Variants in PKHD1 observed in about 807,000 individuals in gnomAD.
PKHD1 encodes the protein fibrocystin.
A neutral mutation model predicts 412.0 loss-of-function variants in PKHD1; 291 were observed. The observed-to-expected ratio is 0.71, with a 90% confidence interval of 0.64 to 0.78. The LOEUF is 0.78. Among genes scored for constraint, PKHD1 ranks in the 30% least tolerant of loss-of-function variants. PKHD1 has a pLI of 0.00. For synonymous variants in PKHD1, 1,777 were observed against 1,821.5 expected, an observed-to-expected ratio of 0.98 and a Z score of 0.62; for missense variants, 4,825 against 4,950.7, an observed-to-expected ratio of 0.97 and a Z score of 0.76.
chr6:51,679,082 T>G (rs990852895), intron 60 of PKHD1, among the ~76,000 whole-genome samples: 1 of 152,068 alleles, frequency 6.6e-6, no homozygotes, highest in Admixed American at 6.6e-5. Context: ...TAATGAGATT[T>G]GAATGGGAAG....
chr6:51,843,852 C>T (rs2151601040), intron 50 of PKHD1, among the ~76,000 whole-genome samples: 1 of 152,334 alleles, frequency 6.6e-6, no homozygotes, highest in East Asian at 1.9e-4. Flanking sequence ...ACCAATCTCC[C>T]TAACAGATCT....
intron 65 of PKHD1, among the ~76,000 whole-genome samples, chr6:51,631,738 A>G (rs1767939722): frequency 6.6e-6 from 1 of 151,938 alleles, no homozygotes; most frequent in Non-Finnish European, 1.5e-5. Flanking sequence ...AAGAAGCTTC[A>G]TTTACAAAGC....
At position 52,024,938 on chromosome 6, in the gene PKHD1, C is replaced by T; in HGVS notation, c.4872G>A (p.Arg1624=). ...LTVNIGAELI[R]CIVPTGNGSV... The stretch of plus-strand genomic sequence containing the variant: ...AGCCATTCCCTGTGGGAACAATGCA[C>T]CGGATGAGCTCAGCACCGATGTTCA... Residue 1624 remains arginine (R), a synonymous_variant, in exon 32 of 67, where the codon CGG becomes CGA. Transcript: ENST00000371117. The T allele has an allele frequency of 6.2e-7, 1 of 1,614,202 alleles. No homozygotes were observed. Among genetic ancestry groups the T allele is most frequent in the Non-Finnish European group, 8.5e-7 (1 of 1,180,046 alleles).
chr6:51,796,738 C>A (rs1001595272), intron 52 of PKHD1, among the ~76,000 whole-genome samples: 1 of 151,672 alleles, frequency 6.6e-6, no homozygotes, highest in African/African-American at 2.4e-5. Context: ...TGATTTCTGC[C>A]TTAATTTCAT....
chr6:51,667,900 T>G (rs957231280), intron 60 of PKHD1, among the ~76,000 whole-genome samples: 1 of 152,080 alleles, frequency 6.6e-6, no homozygotes, highest in Non-Finnish European at 1.5e-5. Context: ...GTTCCATTGA[T>G]CTATATCTCT....
intron 35 of PKHD1, among the ~76,000 whole-genome samples, chr6:52,005,989 T>C (rs1286368326): frequency 6.7e-6 from 1 of 149,370 alleles, no homozygotes; most frequent in African/African-American, 2.5e-5. Context: ...TGGGAGTGGC[T>C]TTTTGCTCAC....
chr6:52,002,753 T>G (rs903531536), intron 35 of PKHD1, among the ~76,000 whole-genome samples: 2 of 152,162 alleles, frequency 1.3e-5, no homozygotes, highest in Admixed American at 1.3e-4. Flanking sequence ...TTGATTTCTG[T>G]AATAGGAGAA....
At chr6:51,699,136 GAA>G (rs1391943763) in intron 60 of PKHD1, among the ~76,000 whole-genome samples, 1 of 151,994 alleles carries the variant, frequency 6.6e-6, no homozygotes, top group Non-Finnish European at 1.5e-5. Context: ...AAAGTTCTAT[GAA>G]GTTCAACAAA....
chr6:51,662,592 A>C (rs1394980312), intron 60 of PKHD1, among the ~76,000 whole-genome samples: 4 of 151,960 alleles, frequency 2.6e-5, no homozygotes, highest in Non-Finnish European at 4.4e-5. Context: ...TGATTGCAGA[A>C]ATCAATGAAG....
chr6:51,672,569 A>T (rs112720476), intron 60 of PKHD1, among the ~76,000 whole-genome samples: 29 of 152,336 alleles, frequency 1.9e-4, no homozygotes, highest in African/African-American at 6.5e-4. Flanking sequence ...TGGAGAATGT[A>T]TGAGTACATG....
intron 43 of PKHD1, among the ~76,000 whole-genome samples, chr6:51,895,985 G>T (rs1269632588): frequency 1.3e-5 from 2 of 152,132 alleles, no homozygotes; most frequent in African/African-American, 4.8e-5. Context: ...CACACCACAA[G>T]ATTATATCCC....
chr6:51,950,254 T>C (rs1191066728), intron 36 of PKHD1, among the ~76,000 whole-genome samples: 2 of 138,084 alleles, frequency 1.4e-5, no homozygotes, highest in African/African-American at 5.3e-5. Context: ...ATAAAATCAC[T>C]GACTCAGAGC....
Position 51,616,673 on chromosome 6 carries a change from T to G in PKHD1, c.*2408A>C. On this transcript the variant is annotated 3_prime_UTR_variant, in exon 67 of 67. Coordinates refer to ENST00000371117, the MANE Select transcript of PKHD1 (RefSeq NM_138694.4). The stretch of plus-strand genomic sequence containing the variant: ...TGCTATTTAGGCCCAAAGAGTCAAT[T>G]CTGGCCTCAGGGATCACAGGCTTTT... 2.5e-6 allele frequency: 1 copy of G among 398,414 alleles called. No homozygotes were observed. Among genetic ancestry groups the G allele is most frequent in the Non-Finnish European group, 4.4e-6 (1 of 225,948 alleles). The allele number at this position is 398,414 out of a possible 1,614,324, so 24.7% of individuals were successfully genotyped here. A position where few individuals can be genotyped will look rare whatever the true frequency, so the allele number is the denominator to read the frequency against.
chr6:51,762,656 T>C (rs1788222596), intron 55 of PKHD1, among the ~76,000 whole-genome samples: 1 of 133,316 alleles, frequency 7.5e-6, no homozygotes, highest in African/African-American at 2.4e-5. Flanking sequence ...CACATATATA[T>C]ATATATATAT....
intron 49 of PKHD1, among the ~76,000 whole-genome samples, chr6:51,853,075 T>G (rs1414659255): frequency 2.0e-5 from 3 of 152,202 alleles, no homozygotes; most frequent in Non-Finnish European, 4.4e-5. Context: ...ATTTAGTGCT[T>G]CTTTCAGCTC....
chr6:51,775,948 C>A, intron 53 of PKHD1, 27 bp from the exon 54 acceptor site: 2 of 1,048,410 alleles, frequency 1.9e-6, no homozygotes, highest in South Asian at 1.3e-5. Context: ...GTATATCATT[C>A]AAATCAATTT....
At chr6:51,839,498 G>C (rs563672976) in intron 50 of PKHD1, among the ~76,000 whole-genome samples, 1 of 152,276 alleles carries the variant, frequency 6.6e-6, no homozygotes, top group African/African-American at 2.4e-5. Flanking sequence ...CTAGGGTGAA[G>C]AGGAAATGTG....
chr6:51,753,175 G>A (rs779205091), intron 57 of PKHD1, 26 bp downstream of exon 57: 1 of 1,607,000 alleles, frequency 6.2e-7, no homozygotes. Flanking sequence ...AACTGGTAAT[G>A]GCCAATTACT....
intron 48 of PKHD1, among the ~76,000 whole-genome samples, chr6:51,857,049 A>G (rs1773423533): frequency 6.6e-6 from 1 of 152,240 alleles, no homozygotes; most frequent in Admixed American, 6.5e-5. Context: ...TGTGAGTATC[A>G]CAAAGTAGAA....
Sources: gnomAD v4.1 joint callset for allele counts (sites outside exome capture counted in the v4.1 genomes callset) on GRCh38, gnomAD v4.1.1 for gene constraint, MANE v1.5 for transcripts, NCBI Gene and HGNC (gene_info 2026-07-23, HGNC 2026-07-21) for gene names.